Variants in TRDN observed in about 807,000 individuals in gnomAD.
TRDN encodes triadin.
In TRDN, 161 loss-of-function variants were observed where a neutral mutation model predicts 149.7. The observed-to-expected ratio is 1.08, with a 90% CI of 0.95 to 1.23. The LOEUF (loss-of-function observed/expected upper bound fraction) is 1.23. Ranked by LOEUF, TRDN falls within the 50% of genes most tolerant of loss-of-function variation. TRDN has a pLI of 0.00. For synonymous variants in TRDN, 294 were observed against 250.5 expected (o/e 1.17, Z -1.64); for missense variants, 896 against 823.5 (o/e 1.09, Z -1.08).
chr6:123,434,804 T>C (rs1774485709), intron 12 of TRDN, among the ~76,000 whole-genome samples: 2 of 152,082 alleles, frequency 1.3e-5, no homozygotes, highest in South Asian at 2.1e-4. Context: ...AATTGGCAGG[T>C]ATTTATTTAA....
chr6:123,242,339 T>C (rs1776020337), intron 38 of TRDN, among the ~76,000 whole-genome samples: 1 of 152,100 alleles, frequency 6.6e-6, no homozygotes, highest in Admixed American at 6.5e-5. Context: ...GAATGTGGGA[T>C]TTTTTTGCTT....
chr6:123,267,828 G>T, intron 31 of TRDN, 77 bp from the exon 32 acceptor site: 3 of 1,185,814 alleles, frequency 2.5e-6, no homozygotes, highest in South Asian at 1.7e-5. Context: ...ATTTGCAAGT[G>T]ATCCTCAGTT....
Position 123,420,578 on chromosome 6 carries a change from G to A in TRDN, c.1051+17485C>T, listed in dbSNP as rs551614791. 6.6e-5 allele frequency among the ~76,000 whole-genome samples: 10 copies of A among 152,306 alleles called. No homozygotes were observed. In the East Asian group the frequency reaches 1.9e-3, roughly 29 times the overall value. The stretch of plus-strand genomic sequence containing the variant: ...TAGTTTTTCTCTACATGACCACAGT[G>A]AGCAAAAGTGAATAAAGACAAAGTA... On this transcript the variant is annotated intron_variant, in intron 12 of 40. Coordinates refer to ENST00000334268, the MANE Select transcript of TRDN (RefSeq NM_006073.4).
intron 4 of TRDN, among the ~76,000 whole-genome samples, chr6:123,534,536 CAT>C (rs1780424304): frequency 6.6e-6 from 1 of 152,120 alleles, no homozygotes; most frequent in Non-Finnish European, 1.5e-5. Flanking sequence ...AATTCAGTAA[CAT>C]GTTACTAATT....
intron 38 of TRDN, among the ~76,000 whole-genome samples, chr6:123,234,314 T>C (rs1248252910): frequency 6.6e-6 from 1 of 152,144 alleles, no homozygotes; most frequent in Non-Finnish European, 1.5e-5. Context: ...TATATGTGTG[T>C]GCATTTATGT....
At chr6:123,395,919 T>C (rs901527296) in intron 12 of TRDN, among the ~76,000 whole-genome samples, 4 of 152,180 alleles carry the variant, frequency 2.6e-5, no homozygotes, top group Non-Finnish European at 4.4e-5. Flanking sequence ...TACTACATGA[T>C]CTACATCTCA....
chr6:123,400,167 G>GTATATATACA (rs1772900258), intron 12 of TRDN, among the ~76,000 whole-genome samples: 2 of 123,396 alleles, frequency 1.6e-5, no homozygotes, highest in Admixed American at 1.8e-4. Context: ...ATATGTATGT[G>GTATATATACA]TATATATATA....
chr6:123,527,245 T>C (rs1779994268), intron 5 of TRDN, among the ~76,000 whole-genome samples: 1 of 152,062 alleles, frequency 6.6e-6, no homozygotes, highest in African/African-American at 2.4e-5. Context: ...AAATGTTCTT[T>C]AATAATCATG....
chr6:123,394,332 T>C (rs116665973), intron 12 of TRDN, among the ~76,000 whole-genome samples: 1 of 152,130 alleles, frequency 6.6e-6, no homozygotes, highest in Non-Finnish European at 1.5e-5. Context: ...ATGATAAACA[T>C]TTAAATATAC....
chr6:123,246,906 G>A (rs555465889), intron 38 of TRDN, among the ~76,000 whole-genome samples: 4 of 152,138 alleles, frequency 2.6e-5, no homozygotes, highest in East Asian at 1.9e-4. Flanking sequence ...TATCCACCAC[G>A]ATCAAGTTGG....
intron 23 of TRDN, among the ~76,000 whole-genome samples, chr6:123,328,540 T>C (rs1582878475): frequency 6.6e-6 from 1 of 152,082 alleles, no homozygotes; most frequent in South Asian, 2.1e-4. Flanking sequence ...CTCGCACCAA[T>C]CTTTCACTGG....
chr6:123,259,663 C>A lies in TRDN; in HGVS notation c.1832-1G>T. 6.8e-7 allele frequency: 1 copy of A among 1,460,614 alleles called. No homozygotes were observed. The highest frequency in any genetic ancestry group is 1.3e-5 in the South Asian group (1 of 76,896). The allele number at this position is 1,460,614 out of a possible 1,614,324, so 90.5% of individuals were successfully genotyped here. A position where few individuals can be genotyped will look rare whatever the true frequency, so the allele number is the denominator to read the frequency against. On this transcript the variant is annotated splice_acceptor_variant, in intron 34 of 40. Transcript: ENST00000334268. LOFTEE classifies it high-confidence loss of function. ...TCAGATATTTCAGTTTTCTTCTTTC[C>A]TAGGGGAAAGAAAAACAACAAGAAA... is the stretch of plus-strand genomic sequence containing the variant.
chr6:123,543,285 T>G (rs73536755), intron 4 of TRDN, among the ~76,000 whole-genome samples: 7,233 of 152,236 alleles, frequency 0.048, 311 homozygotes, highest in African/African-American at 0.11. Context: ...CTATTTTATT[T>G]AATAAATGTT....
chr6:123,347,183 A>G (rs1312526435), intron 21 of TRDN, among the ~76,000 whole-genome samples: 1 of 152,058 alleles, frequency 6.6e-6, no homozygotes, highest in African/African-American at 2.4e-5. Context: ...CCTAAAGCCA[A>G]ACTTGTTCCT....
At chr6:123,537,319 T>C (rs1386696240) in intron 4 of TRDN, among the ~76,000 whole-genome samples, 2 of 152,196 alleles carry the variant, frequency 1.3e-5, no homozygotes, top group East Asian at 3.9e-4. Context: ...ATATTTATGG[T>C]ATTCTACATG....
chr6:123,347,655 A>G (rs1422367364), intron 21 of TRDN, among the ~76,000 whole-genome samples: 1 of 152,056 alleles, frequency 6.6e-6, no homozygotes, highest in Non-Finnish European at 1.5e-5. Context: ...TGTACTTGCA[A>G]TCAGAAGACA....
intron 2 of TRDN, among the ~76,000 whole-genome samples, chr6:123,549,322 A>G (rs956094878): frequency 3.3e-5 from 5 of 152,044 alleles, no homozygotes; most frequent in Admixed American, 2.6e-4. Flanking sequence ...TATATTAGGG[A>G]TTTCCAAAAT....
intron 1 of TRDN, among the ~76,000 whole-genome samples, chr6:123,593,760 C>T (rs1427693452): frequency 6.6e-6 from 1 of 152,142 alleles, no homozygotes; most frequent in Non-Finnish European, 1.5e-5. Flanking sequence ...TAAGATCATA[C>T]TCTGAGTTTC....
chr6:123,283,230 T>C (rs752977889), intron 24 of TRDN, among the ~76,000 whole-genome samples: 14 of 151,912 alleles, frequency 9.2e-5, no homozygotes, highest in Non-Finnish European at 1.9e-4. Context: ...GGGTCAACAA[T>C]GAAATCAAGA....
Sources: allele counts gnomAD v4.1 joint callset (sites outside exome capture counted in the v4.1 genomes callset), GRCh38; gene constraint gnomAD v4.1.1; transcripts MANE v1.5; gene names NCBI Gene and HGNC (gene_info 2026-07-23, HGNC 2026-07-21).